Variants in AHCYL2 observed in about 807,000 individuals in gnomAD.
AHCYL2 encodes the protein adenosylhomocysteinase like 2, also known as S-adenosylhomocysteine hydrolase-like protein 2.
AHCYL2 carries 28 observed loss-of-function variants against 81.4 expected under a neutral mutation model. The observed-to-expected ratio is 0.34, with a 90% CI of 0.25 to 0.47. AHCYL2 has a LOEUF of 0.47. AHCYL2 is among the 20% of genes least tolerant of loss of function. The probability of loss-of-function intolerance (pLI) is 1.00; values close to 1 mark genes in which losing one functional copy is unlikely to be tolerated. For missense variants in AHCYL2, 551 were observed against 785.1 expected, an observed-to-expected ratio of 0.70 and a Z score of 3.56; for synonymous variants, 272 against 290.2, an observed-to-expected ratio of 0.94 and a Z score of 0.64.
chr7:129,369,990 C>T (rs1192148631), intron 1 of AHCYL2, among the ~76,000 whole-genome samples: 1 of 152,088 alleles, frequency 6.6e-6, no homozygotes, highest in Non-Finnish European at 1.5e-5. Flanking sequence ...GAATTTCTTG[C>T]TACTCACTAA....
At chr7:129,261,079 C>T (rs948535418) in intron 1 of AHCYL2, among the ~76,000 whole-genome samples, 1 of 152,102 alleles carries the variant, frequency 6.6e-6, no homozygotes, top group Non-Finnish European at 1.5e-5. Flanking sequence ...CGTGAGCCAC[C>T]GTACCTGGCC....
chr7:129,273,542 C>T (rs992292840), intron 1 of AHCYL2, among the ~76,000 whole-genome samples: 5 of 149,018 alleles, frequency 3.4e-5, no homozygotes, highest in Non-Finnish European at 3.0e-5. Context: ...TGGTCAGGCT[C>T]GTCTCGAACT....
At chr7:129,225,744 G>A (rs1438754952) in intron 1 of AHCYL2, among the ~76,000 whole-genome samples, 1 of 152,168 alleles carries the variant, frequency 6.6e-6, no homozygotes, top group Non-Finnish European at 1.5e-5. Flanking sequence ...GCCCCAACAC[G>A]CTCCCGGGTG....
chr7:129,323,902 A>C (rs2150792729), intron 1 of AHCYL2, among the ~76,000 whole-genome samples: 3 of 127,030 alleles, frequency 2.4e-5, no homozygotes, highest in African/African-American at 3.0e-5. Context: ...ACAGAGTCTC[A>C]CTCTTTCGCC....
chr7:129,344,626 G>A (rs1269101121), intron 1 of AHCYL2, among the ~76,000 whole-genome samples: 1 of 152,106 alleles, frequency 6.6e-6, no homozygotes, highest in East Asian at 1.9e-4. Context: ...ATAAACTGAA[G>A]TAACCAAAAA....
At chr7:129,263,557 G>T (rs1469103556) in intron 1 of AHCYL2, among the ~76,000 whole-genome samples, 1 of 152,230 alleles carries the variant, frequency 6.6e-6, no homozygotes, top group African/African-American at 2.4e-5. Flanking sequence ...GAAGTAGCTT[G>T]AGGGAATAAA....
intron 1 of AHCYL2, among the ~76,000 whole-genome samples, chr7:129,367,183 G>T (rs1004399916): frequency 6.6e-6 from 1 of 152,072 alleles, no homozygotes; most frequent in Non-Finnish European, 1.5e-5. Context: ...GTGATTTTGG[G>T]GGCCCAAGAT....
Position 129,370,558 on chromosome 7 carries a change from C to A in AHCYL2, c.364-9080C>A, listed in dbSNP as rs189110238. On this transcript the variant is annotated intron_variant, in intron 1 of 16. Coordinates refer to ENST00000325006, the MANE Select transcript of AHCYL2 (RefSeq NM_015328.4). Reference sequence around the variant, plus strand: ...CTAAAAATACAAAAAATTAGCCGGGCGTGGTGGCGGGCGCCTATAGTCCCA... The same window carrying A: ...CTAAAAATACAAAAAATTAGCCGGGAGTGGTGGCGGGCGCCTATAGTCCCA... Among the ~76,000 whole-genome samples the A allele has an allele frequency of 3.4e-3, 524 of 152,164 alleles. 2 individuals carry two copies. Among genetic ancestry groups the A allele is most frequent in the Non-Finnish European group, 4.7e-3 (320 of 68,004 alleles).
chr7:129,282,865 A>AG (rs1215425888), intron 1 of AHCYL2, among the ~76,000 whole-genome samples: 1 of 151,752 alleles, frequency 6.6e-6, no homozygotes, highest in Non-Finnish European at 1.5e-5. Flanking sequence ...GAAGAGGGGG[A>AG]GAAAAAAAAA....
At chr7:129,409,321 G>A (rs149644384) in intron 10 of AHCYL2, among the ~76,000 whole-genome samples, 155 bp from the exon 11 acceptor site, 27 of 152,270 alleles carry the variant, frequency 1.8e-4, no homozygotes, top group Non-Finnish European at 3.7e-4. Flanking sequence ...TTTCTGTCTT[G>A]TATGAACTAA....
At chr7:129,403,209 A>G (rs1378881050) in intron 6 of AHCYL2, among the ~76,000 whole-genome samples, 170 bp from the exon 7 acceptor site, 3 of 152,296 alleles carry the variant, frequency 2.0e-5, no homozygotes, top group Non-Finnish European at 2.9e-5. Flanking sequence ...TATAATGACT[A>G]TTTGGCAGAT....
At chr7:129,314,347 CAG>C (rs1797761387) in intron 1 of AHCYL2, among the ~76,000 whole-genome samples, 1 of 151,892 alleles carries the variant, frequency 6.6e-6, no homozygotes, top group Non-Finnish European at 1.5e-5. Context: ...TTTCTTTCAC[CAG>C]ATTGTAAACT....
At chr7:129,262,290 G>A (rs566513440) in intron 1 of AHCYL2, among the ~76,000 whole-genome samples, 1 of 152,304 alleles carries the variant, frequency 6.6e-6, no homozygotes, top group African/African-American at 2.4e-5. Context: ...ATAAGGTGGC[G>A]AAATGTACAT....
chr7:129,352,219 G>A (rs1018869476), intron 1 of AHCYL2, among the ~76,000 whole-genome samples: 53 of 151,962 alleles, frequency 3.5e-4, no homozygotes, highest in African/African-American at 1.3e-3. Context: ...ATTCAGGTTT[G>A]GGCATCTGGC....
At chr7:129,421,888 A>G (rs1797135358) in intron 12 of AHCYL2, among the ~76,000 whole-genome samples, 3 of 152,258 alleles carry the variant, frequency 2.0e-5, no homozygotes, top group Non-Finnish European at 1.5e-5. Context: ...GCTCTTTACT[A>G]CAATGACTAG....
At chr7:129,285,119 C>T (rs1035981111) in intron 1 of AHCYL2, among the ~76,000 whole-genome samples, 6 of 152,258 alleles carry the variant, frequency 3.9e-5, no homozygotes, top group East Asian at 1.9e-4. Context: ...TACTAAAGGC[C>T]GTGAGCTACA....
intron 1 of AHCYL2, among the ~76,000 whole-genome samples, chr7:129,304,917 C>T (rs1463029148): frequency 6.7e-6 from 1 of 149,920 alleles, no homozygotes; most frequent in African/African-American, 2.5e-5. Flanking sequence ...TTACTCCTGC[C>T]ATTTTATTTG....
At chr7:129,424,082 C>CATTGGGG (rs1259487164) in intron 13 of AHCYL2, among the ~76,000 whole-genome samples, 2 of 152,184 alleles carry the variant, frequency 1.3e-5, no homozygotes, top group South Asian at 4.2e-4. Context: ...GAAAGGGTGG[C>CATTGGGG]ATTGGGGGCA....
chr7:129,265,961 A>G (rs1795798649), intron 1 of AHCYL2, among the ~76,000 whole-genome samples: 1 of 152,194 alleles, frequency 6.6e-6, no homozygotes, highest in African/African-American at 2.4e-5. Context: ...TGAGTGTTTG[A>G]AAGAGAAAAG....
Sources: gnomAD v4.1 joint callset for allele counts (sites outside exome capture counted in the v4.1 genomes callset) on GRCh38, gnomAD v4.1.1 for gene constraint, MANE v1.5 for transcripts, NCBI Gene and HGNC (gene_info 2026-07-23, HGNC 2026-07-21) for gene names.